Variants in EYS observed in about 807,000 individuals in gnomAD.
EYS encodes protein eyes shut homolog.
A neutral mutation model predicts 282.1 loss-of-function variants in EYS; 250 were observed. The observed-to-expected ratio is 0.89, with a 90% confidence interval of 0.80 to 0.98. The LOEUF is 0.98. Ranked by LOEUF, EYS falls within the 50% of genes least tolerant of loss-of-function variation. EYS has a pLI of 0.00. For synonymous variants in EYS, 1,355 were observed against 1,282.9 expected, an observed-to-expected ratio of 1.06 and a Z score of -1.20; for missense variants, 4,016 against 3,709.0, an observed-to-expected ratio of 1.08 and a Z score of -2.15.
At chr6:65,585,144 C>A (rs997101340) in intron 2 of EYS, among the ~76,000 whole-genome samples, 1 of 151,712 alleles carries the variant, frequency 6.6e-6, no homozygotes, top group East Asian at 1.9e-4. Flanking sequence ...TACAATAAAG[C>A]ATTAATTCGA....
chr6:65,133,860 C>A (rs1356007132), intron 12 of EYS, among the ~76,000 whole-genome samples: 1 of 151,776 alleles, frequency 6.6e-6, no homozygotes, highest in Admixed American at 6.6e-5. Context: ...AAAATATTTG[C>A]AAACTGCAAC....
chr6:65,521,462 A>T (rs1345553160), intron 2 of EYS, among the ~76,000 whole-genome samples: 1 of 152,166 alleles, frequency 6.6e-6, no homozygotes, highest in African/African-American at 2.4e-5. Flanking sequence ...TCCAAATAGA[A>T]AGTTAGTAAA....
intron 12 of EYS, among the ~76,000 whole-genome samples, chr6:65,220,671 A>G (rs572332844): frequency 5.5e-4 from 84 of 152,174 alleles, no homozygotes; most frequent in Non-Finnish European, 9.8e-4. Context: ...GTGCTGCTGT[A>G]AAGATACCCA....
intron 26 of EYS, among the ~76,000 whole-genome samples, chr6:64,476,587 T>C (rs1355491082): frequency 6.6e-6 from 1 of 152,162 alleles, no homozygotes; most frequent in Non-Finnish European, 1.5e-5. Flanking sequence ...GTGATCATTT[T>C]GAATTTTTCT....
At chr6:64,341,816 C>T (rs1561940158) in intron 29 of EYS, among the ~76,000 whole-genome samples, 1 of 151,566 alleles carries the variant, frequency 6.6e-6, no homozygotes, top group Non-Finnish European at 1.5e-5. Flanking sequence ...ATGTCAGTGT[C>T]TCCTTTCCAT....
At chr6:63,965,500 A>G (rs1766264305) in intron 35 of EYS, among the ~76,000 whole-genome samples, 1 of 152,214 alleles carries the variant, frequency 6.6e-6, no homozygotes, top group South Asian at 2.1e-4. Flanking sequence ...CAGGGAAAAT[A>G]TAACCCTTTG....
chr6:64,441,947 A>G (rs1309323680), intron 26 of EYS, among the ~76,000 whole-genome samples: 2 of 152,170 alleles, frequency 1.3e-5, no homozygotes, highest in East Asian at 3.9e-4. Context: ...GTACCAGTAG[A>G]GTGGGCACTG....
intron 22 of EYS, among the ~76,000 whole-genome samples, chr6:64,683,919 C>A (rs1164693532): frequency 6.6e-6 from 1 of 152,156 alleles, no homozygotes; most frequent in Non-Finnish European, 1.5e-5. Flanking sequence ...TCGCTGCCCA[C>A]CCCATTTCAC....
chr6:65,218,867 G>GA (rs1158320003), intron 12 of EYS, among the ~76,000 whole-genome samples: 1 of 152,034 alleles, frequency 6.6e-6, no homozygotes, highest in Non-Finnish European at 1.5e-5. Flanking sequence ...GTAGAGAAGA[G>GA]AAAAGGGTAG....
At chr6:65,453,687 C>A (rs1415356307) in intron 5 of EYS, among the ~76,000 whole-genome samples, 4 of 152,010 alleles carry the variant, frequency 2.6e-5, no homozygotes, top group Non-Finnish European at 5.9e-5. Flanking sequence ...CCCCTCCCCC[C>A]TACAGTCTCT....
chr6:64,875,840 GAAAACT>G (rs1562237921), intron 19 of EYS, among the ~76,000 whole-genome samples: 1 of 151,866 alleles, frequency 6.6e-6, no homozygotes, highest in East Asian at 1.9e-4. Flanking sequence ...TGATGCCCTA[GAAAACT>G]AAATATAGGT....
In EYS at chr6:64,121,230, T is replaced by C. The variant is rs528991569; in HGVS notation, c.6425-39228A>G. On this transcript the variant is annotated intron_variant, in intron 31 of 42. Transcript: ENST00000503581. ...GAGCAGGCCATGATCTTTTGCCACA[T>C]AACTTAACCTAATCAAGGAATAACC... Among the ~76,000 whole-genome samples, 10 of 152,338 alleles carry C rather than the reference T, an allele frequency of 6.6e-5. 1 individual carries two copies. The South Asian group carries it at 1.9e-3, about 28-fold the overall frequency.
At chr6:65,656,817 A>C (rs1053405218) in intron 1 of EYS, among the ~76,000 whole-genome samples, 3 of 151,926 alleles carry the variant, frequency 2.0e-5, no homozygotes, top group African/African-American at 7.2e-5. Flanking sequence ...AATGGAAACA[A>C]AACAGTTTAA....
At chr6:64,328,186 C>T (rs661442) in intron 29 of EYS, among the ~76,000 whole-genome samples, 104,354 of 152,078 alleles carry the variant, frequency 0.69, 35,839 homozygotes, top group South Asian at 0.71. Context: ...ATTCACAATC[C>T]TACCTGGGCT....
At chr6:65,666,932 C>T (rs541213140) in intron 1 of EYS, among the ~76,000 whole-genome samples, 14 of 147,618 alleles carry the variant, frequency 9.5e-5, no homozygotes, top group Non-Finnish European at 2.0e-4. Flanking sequence ...AAAATAGAAA[C>T]GTAAATCTAC....
At chr6:65,564,112 GAAATGAGAGAGGACACAAACAAATGGA>G (rs2127347261) in intron 2 of EYS, among the ~76,000 whole-genome samples, 1 of 152,212 alleles carries the variant, frequency 6.6e-6, no homozygotes, top group Non-Finnish European at 1.5e-5. Context: ...ACTGCTCAAG[GAAATGAGAGAGGACACAAACAAATGGA>G]AAAACATTGC....
chr6:65,068,340 T>C (rs768884556), intron 12 of EYS, among the ~76,000 whole-genome samples: 1 of 152,102 alleles, frequency 6.6e-6, no homozygotes, highest in Non-Finnish European at 1.5e-5. Context: ...AAATAATGAA[T>C]ACAAACATTC....
At chr6:65,534,111 T>C (rs1037679677) in intron 2 of EYS, among the ~76,000 whole-genome samples, 1 of 152,240 alleles carries the variant, frequency 6.6e-6, no homozygotes, top group Admixed American at 6.6e-5. Flanking sequence ...CTAAGGTTAA[T>C]CTTCATGGTC....
intron 36 of EYS, among the ~76,000 whole-genome samples, chr6:63,832,780 C>A (rs193118593): frequency 1.3e-3 from 191 of 152,266 alleles, no homozygotes; most frequent in African/African-American, 4.4e-3. Flanking sequence ...GAATTTTAGA[C>A]CAATATTCCT....
Sources: allele counts gnomAD v4.1 joint callset (sites outside exome capture counted in the v4.1 genomes callset), GRCh38; gene constraint gnomAD v4.1.1; transcripts MANE v1.5; gene names NCBI Gene and HGNC (gene_info 2026-07-23, HGNC 2026-07-21).